SCHIP1: variants seen among roughly 807,000 people sequenced by gnomAD.
The protein encoded by SCHIP1 is schwannomin interacting protein 1.
A neutral mutation model predicts 29.7 loss-of-function variants in SCHIP1; 8 were observed. The observed-to-expected ratio is 0.27, with a 90% CI of 0.16 to 0.49. SCHIP1 has a LOEUF of 0.49. Ranked by LOEUF, SCHIP1 falls within the 20% of genes least tolerant of loss-of-function variation. The probability of loss-of-function intolerance (pLI) is 0.99; values close to 1 mark genes in which losing one functional copy is unlikely to be tolerated. For synonymous variants in SCHIP1, 76 were observed against 94.9 expected (o/e 0.80, Z 1.16); for missense variants, 193 against 294.6 (o/e 0.66, Z 2.52).
the SCHIP1 span, among the ~76,000 whole-genome samples, chr3:159,718,065 G>C: frequency 6.6e-6 from 1 of 152,198 alleles, no homozygotes; most frequent in Non-Finnish European, 1.5e-5. Flanking sequence ...GGGATGCAAG[G>C]CTGGTTCAAG....
At chr3:159,865,277 G>GT (rs2109249499) in intron 1 of SCHIP1, among the ~76,000 whole-genome samples, 2 of 152,194 alleles carry the variant, frequency 1.3e-5, no homozygotes, top group African/African-American at 4.8e-5. Context: ...CATGTTGTTT[G>GT]TTTTTTGTAG....
the SCHIP1 span, among the ~76,000 whole-genome samples, chr3:159,815,465 A>G: frequency 6.6e-6 from 1 of 152,096 alleles, no homozygotes; most frequent in Admixed American, 6.5e-5. Context: ...TATAGTTGAC[A>G]CCTTGGGGGG....
the SCHIP1 span, among the ~76,000 whole-genome samples, chr3:159,290,028 G>A: frequency 6.6e-6 from 1 of 152,098 alleles, no homozygotes; most frequent in Non-Finnish European, 1.5e-5. Flanking sequence ...CCAAATATGG[G>A]GCATGAGGCT....
the SCHIP1 span, among the ~76,000 whole-genome samples, chr3:159,718,869 T>C: frequency 6.6e-6 from 1 of 152,114 alleles, no homozygotes; most frequent in African/African-American, 2.4e-5. Context: ...CTTCGCAGAA[T>C]TGGAAAAAAC....
chr3:159,680,577 A>ATAT, the SCHIP1 span, among the ~76,000 whole-genome samples: 2 of 111,068 alleles, frequency 1.8e-5, no homozygotes, highest in African/African-American at 7.2e-5. Context: ...TGTATAATAT[A>ATAT]TCTATATATA....
the SCHIP1 span, among the ~76,000 whole-genome samples, chr3:159,473,674 G>GAAAAAAAAAAAAAAAAAAAAA: frequency 8.2e-4 from 67 of 81,438 alleles, no homozygotes; most frequent in East Asian, 2.0e-3. Context: ...ATGTAACTAC[G>GAAAAAAAAAAAAAAAAAAAAA]AAAAAAAAAA....
chr3:159,832,400 C>T, the SCHIP1 span, among the ~76,000 whole-genome samples: 3 of 152,110 alleles, frequency 2.0e-5, no homozygotes, highest in Non-Finnish European at 4.4e-5. Context: ...TGGCTCCTTT[C>T]CTGCTGCCCA....
At chr3:159,339,268 A>C in the SCHIP1 span, among the ~76,000 whole-genome samples, 1,688 of 152,114 alleles carry the variant, frequency 0.011, 19 homozygotes, top group South Asian at 0.033. Flanking sequence ...AAAAAAAAAA[A>C]AAAACCTTGG....
the SCHIP1 span, among the ~76,000 whole-genome samples, chr3:159,519,740 G>A: frequency 2.0e-5 from 3 of 151,824 alleles, no homozygotes; most frequent in Non-Finnish European, 4.4e-5. Flanking sequence ...AATAATATGA[G>A]TCTTAAGATT....
chr3:159,742,860 G>T, the SCHIP1 span, among the ~76,000 whole-genome samples: 131,016 of 134,222 alleles, frequency 0.98, 63,905 homozygotes, highest in Middle Eastern at 0.99. Flanking sequence ...TTTTTTTTTG[G>T]ATTTTTAGTA....
chr3:159,751,270 G>T, the SCHIP1 span, among the ~76,000 whole-genome samples: 1 of 152,008 alleles, frequency 6.6e-6, no homozygotes, highest in African/African-American at 2.4e-5. Flanking sequence ...TTAAAAGGTT[G>T]CTTTAAAAAA....
At chr3:159,411,088 C>T in the SCHIP1 span, among the ~76,000 whole-genome samples, 1 of 151,662 alleles carries the variant, frequency 6.6e-6, no homozygotes, top group East Asian at 1.9e-4. Flanking sequence ...CAATTGAACT[C>T]ATGGAGACAG....
the SCHIP1 span, among the ~76,000 whole-genome samples, chr3:159,473,850 G>A: frequency 6.6e-6 from 1 of 151,908 alleles, no homozygotes; most frequent in Admixed American, 6.6e-5. Context: ...AGAGGAAACA[G>A]GTATGCCTAA....
upstream of SCHIP1, chr3:159,839,796 T>C (rs548636307): frequency 8.8e-6 from 8 of 910,954 alleles, no homozygotes; most frequent in East Asian, 6.5e-5. Context: ...AGGACTAGAA[T>C]GTTTCCACAT....
At chr3:159,641,015 A>G in the SCHIP1 span, among the ~76,000 whole-genome samples, 1 of 152,190 alleles carries the variant, frequency 6.6e-6, no homozygotes, top group African/African-American at 2.4e-5. Context: ...ATTTCATTTA[A>G]TATCTATGTG....
the SCHIP1 span, among the ~76,000 whole-genome samples, chr3:159,799,361 G>A: frequency 6.6e-6 from 1 of 152,198 alleles, no homozygotes; most frequent in South Asian, 2.1e-4. Context: ...ACTTCACCTC[G>A]CTGAGCATCA....
At chr3:159,684,735 C>T in the SCHIP1 span, among the ~76,000 whole-genome samples, 3 of 145,662 alleles carry the variant, frequency 2.1e-5, no homozygotes, top group Non-Finnish European at 3.0e-5. Context: ...ACCCAGGAGG[C>T]GGAGGTTGCA....
chr3:159,708,947 T>A, the SCHIP1 span, among the ~76,000 whole-genome samples: 1 of 152,206 alleles, frequency 6.6e-6, no homozygotes, highest in Non-Finnish European at 1.5e-5. Flanking sequence ...CTCCATTTTC[T>A]GCGAGTTCCT....
the SCHIP1 span, among the ~76,000 whole-genome samples, chr3:159,663,670 C>T: frequency 8.5e-5 from 13 of 152,228 alleles, no homozygotes; most frequent in East Asian, 2.5e-3. Flanking sequence ...AAAAATGACA[C>T]ATTAATAACT....
Sources: gnomAD v4.1 joint callset for allele counts (sites outside exome capture counted in the v4.1 genomes callset) on GRCh38, gnomAD v4.1.1 for gene constraint, MANE v1.5 for transcripts, NCBI Gene and HGNC (gene_info 2026-07-23, HGNC 2026-07-21) for gene names.